PRMT8: variants seen among roughly 807,000 people sequenced by gnomAD.
The protein encoded by PRMT8 is protein arginine N-methyltransferase 8.
Under a neutral mutation model 47.1 loss-of-function variants are expected in PRMT8, and 7 were observed. The ratio of observed to expected loss-of-function variants is 0.15; its 90% CI spans 0.08 to 0.28. The LOEUF is 0.28. PRMT8 is among the 10% of genes least tolerant of loss of function. The pLI, the probability that PRMT8 is intolerant of heterozygous loss-of-function variation, is 1.00. For missense variants in PRMT8, 237 were observed against 505.4 expected (o/e 0.47, Z 5.09); for synonymous variants, 188 against 186.5 (o/e 1.01, Z -0.07).
In PRMT8 at chr12:3,576,487, G is replaced by A. The variant is rs1451084200; in HGVS notation, c.713-384G>A. Among the ~76,000 whole-genome samples the A allele has an allele frequency of 6.6e-6, 1 of 152,172 alleles. No homozygotes were observed. The highest frequency in any genetic ancestry group is 1.5e-5 in the Non-Finnish European group (1 of 68,018). The stretch of plus-strand genomic sequence containing the variant: ...CTCGAGACAGCATAGGAATGGGAAC[G>A]TAGAAGACAGATAAGGGAGTTCATA... On this transcript the variant is annotated intron_variant, in intron 6 of 9. Transcript: ENST00000382622. The surrounding 1 kb of genome is among the most constrained non-coding windows in gnomAD (Gnocchi z 4.0).
intron 1 of PRMT8, among the ~76,000 whole-genome samples, chr12:3,504,968 G>C (rs1327248780): frequency 1.9e-5 from 2 of 106,546 alleles, no homozygotes; most frequent in African/African-American, 7.5e-5. Context: ...CGATTTTCCA[G>C]GTGCGTCCGT....
chr12:3,568,995 T>A (rs1866790721), intron 5 of PRMT8, 147 bp downstream of exon 5: 2 of 1,138,184 alleles, frequency 1.8e-6, no homozygotes, highest in Non-Finnish European at 2.5e-6. Flanking sequence ...CTAGAGCAGA[T>A]CTGTATCAGG....
chr12:3,403,825 C>A (rs1444249425), intron 1 of PRMT8, among the ~76,000 whole-genome samples: 1 of 128,564 alleles, frequency 7.8e-6, no homozygotes, highest in African/African-American at 3.1e-5. Context: ...TGCAGTGAGC[C>A]AAGATCATGC....
At chr12:3,450,824 C>T (rs929851171) in intron 1 of PRMT8, among the ~76,000 whole-genome samples, 2 of 152,170 alleles carry the variant, frequency 1.3e-5, no homozygotes, top group African/African-American at 2.4e-5. Flanking sequence ...TCATCAAGGA[C>T]ATTTCCAAGT....
intron 1 of PRMT8, among the ~76,000 whole-genome samples, chr12:3,411,135 G>C (rs1591541645): frequency 6.6e-6 from 1 of 152,284 alleles, no homozygotes; most frequent in Admixed American, 6.5e-5. Context: ...CTGAATGCCT[G>C]GGGTGTTTGC....
chr12:3,465,110 G>A (rs1405075366), intron 1 of PRMT8, among the ~76,000 whole-genome samples: 1 of 96,804 alleles, frequency 1.0e-5, no homozygotes, highest in African/African-American at 4.6e-5. Context: ...CAACGAGAGT[G>A]AAACTCTGTC....
intron 1 of PRMT8, among the ~76,000 whole-genome samples, chr12:3,531,710 G>A (rs1007091803): frequency 2.6e-5 from 4 of 152,348 alleles, no homozygotes; most frequent in Non-Finnish European, 4.4e-5. Context: ...ACCCTGGTCA[G>A]GACAGCGAGT....
At chr12:3,434,217 A>G (rs1027330731) in intron 1 of PRMT8, among the ~76,000 whole-genome samples, 1 of 152,196 alleles carries the variant, frequency 6.6e-6, no homozygotes, top group Non-Finnish European at 1.5e-5. Flanking sequence ...AATCCGGGGT[A>G]AGGTAGCCCA....
At chr12:3,590,174 G>T (rs920727880) in intron 8 of PRMT8, among the ~76,000 whole-genome samples, 8 of 152,196 alleles carry the variant, frequency 5.3e-5, no homozygotes, top group Admixed American at 2.6e-4. Flanking sequence ...TTCCAAATGT[G>T]CAGGCTGCAC....
chr12:3,491,535 T>C lies in PRMT8; in HGVS notation c.-91T>C, dbSNP rs924624975. 38 of 1,473,622 alleles carry C rather than the reference T, an allele frequency of 2.6e-5. No homozygotes were observed. Among genetic ancestry groups the C allele is most frequent in the Non-Finnish European group, 3.2e-5 (36 of 1,113,268 alleles). The allele number at this position is 1,473,622 out of a possible 1,614,324, so 91.3% of individuals were successfully genotyped here. ...GAGGGGCTGGGTTGGATTTTTTTTT[T>C]TCTCCCATCCTCTCGCTCTCTCTTT... On this transcript the variant is annotated 5_prime_UTR_variant, in exon 1 of 10. Transcript: ENST00000382622.
At chr12:3,484,545 A>T (rs1043126741) in intron 1 of PRMT8, among the ~76,000 whole-genome samples, 1 of 152,202 alleles carries the variant, frequency 6.6e-6, no homozygotes, top group South Asian at 2.1e-4. Context: ...TAACAATACT[A>T]TGTCCCAGGA....
chr12:3,531,717 G>T (rs11062709), intron 1 of PRMT8, among the ~76,000 whole-genome samples: 1 of 152,134 alleles, frequency 6.6e-6, no homozygotes, highest in East Asian at 1.9e-4. Context: ...TCAGGACAGC[G>T]AGTCCCTACC....
At chr12:3,395,100 C>CT (rs1020670441) in intron 1 of PRMT8, among the ~76,000 whole-genome samples, 1 of 149,252 alleles carries the variant, frequency 6.7e-6, no homozygotes, top group Non-Finnish European at 1.5e-5. Context: ...ATTCTTCTCG[C>CT]TTTTTTTCTT....
At chr12:3,393,489 G>A (rs1332865697) in intron 1 of PRMT8, among the ~76,000 whole-genome samples, 27 of 150,210 alleles carry the variant, frequency 1.8e-4, no homozygotes, top group South Asian at 6.4e-4. Context: ...CCCATTGCTT[G>A]TTTTTCTCAG....
intron 1 of PRMT8, among the ~76,000 whole-genome samples, chr12:3,460,783 G>C (rs1057490997): frequency 1.3e-5 from 2 of 152,182 alleles, no homozygotes; most frequent in African/African-American, 2.4e-5. Flanking sequence ...TCACCACCAT[G>C]CTCGTGGGGC....
At position 3,563,291 on chromosome 12, in the gene PRMT8, G is replaced by A. The variant is rs369220871; in HGVS notation, c.482-5415G>A. On this transcript the variant is annotated intron_variant, in intron 4 of 9. Transcript: ENST00000382622. ...CCTGAGCCCTCAAGAGAGCCAGAGC[G>A]GGCTAGAACATGAAGCCAAGCAGAT... Among the ~76,000 whole-genome samples the A allele has an allele frequency of 5.3e-5, 8 of 152,054 alleles. 1 individual carries two copies. The highest frequency in any genetic ancestry group is 2.1e-4 in the South Asian group (1 of 4,794).
At position 3,514,328 on chromosome 12, in the gene PRMT8, G is replaced by A. The variant is rs1865756062; in HGVS notation, c.75+22628G>A. Among the ~76,000 whole-genome samples, 2 of 152,028 alleles carry A rather than the reference G, an allele frequency of 1.3e-5. No homozygotes were observed. The highest frequency in any genetic ancestry group is 6.5e-5 in the Admixed American group (1 of 15,276). ...GGCTCAGTGTCAGAGCCCTGGCTGGGCTGGCACCAGGACCCTCTGGCTCAC... is the reference window on the plus strand; with the variant it reads ...GGCTCAGTGTCAGAGCCCTGGCTGGACTGGCACCAGGACCCTCTGGCTCAC... On this transcript the variant is annotated intron_variant, in intron 1 of 9. Transcript: ENST00000382622. This position sits in a 1 kb window ranked among gnomAD's most constrained non-coding sequence, Gnocchi z 5.9.
upstream of PRMT8, chr12:3,491,059 C>G: frequency 1.5e-6 from 1 of 658,390 alleles, no homozygotes; most frequent in Non-Finnish European, 1.9e-6. Context: ...GCGGCCGAGA[C>G]CCTCGGAGAC....
intron 1 of PRMT8, among the ~76,000 whole-genome samples, chr12:3,383,079 CCA>C (rs1421344130): frequency 2.6e-5 from 4 of 152,194 alleles, no homozygotes; most frequent in Non-Finnish European, 5.9e-5. Context: ...GTCTATCCTT[CCA>C]CCAGTACCAT....
Sources: allele counts gnomAD v4.1 joint callset (sites outside exome capture counted in the v4.1 genomes callset), GRCh38; gene constraint gnomAD v4.1.1; non-coding constraint Gnocchi (gnomAD v3.1); transcripts MANE v1.5; gene names NCBI Gene and HGNC (gene_info 2026-07-23, HGNC 2026-07-21).